Variants in TMC5 observed in about 807,000 individuals in gnomAD.
TMC5 encodes the protein transmembrane channel-like protein 5.
Under a neutral mutation model 110.5 loss-of-function variants are expected in TMC5, and 86 were observed. That is an observed-to-expected ratio of 0.78 (90% CI 0.65 to 0.93). TMC5 has a LOEUF of 0.93. Ranked by LOEUF, TMC5 falls within the 40% of genes least tolerant of loss-of-function variation. TMC5 has a pLI of 0.00. For missense variants in TMC5, 1,144 were observed against 1,222.8 expected, an observed-to-expected ratio of 0.94 and a Z score of 0.96; for synonymous variants, 455 against 439.5, an observed-to-expected ratio of 1.04 and a Z score of -0.44.
chr16:19,464,091 C>A, intron 8 of TMC5, 67 bp downstream of exon 8: 1 of 1,546,922 alleles, frequency 6.5e-7, no homozygotes, highest in South Asian at 1.2e-5. Flanking sequence ...CGTGCCTTGC[C>A]GGTCACCCAC....
intron 14 of TMC5, among the ~76,000 whole-genome samples, chr16:19,481,163 T>C (rs1336188510): frequency 1.3e-5 from 2 of 152,192 alleles, no homozygotes; most frequent in African/African-American, 4.8e-5. Flanking sequence ...CTAGACTGCA[T>C]TGTGTTAAAT....
rs1006312451 is a variant in TMC5 at position 19,481,475 on chromosome 16, G to A, written c.2363+10G>A. ...CACAAACTCTGGTGTGGTAAGTTTTGTGACTCAGCAAAATGCCCAGTGGTT... is the reference window on the plus strand; with the variant it reads ...CACAAACTCTGGTGTGGTAAGTTTTATGACTCAGCAAAATGCCCAGTGGTT... On this transcript the variant is annotated intron_variant, in intron 15 of 21. Coordinates refer to ENST00000542583, the MANE Select transcript of TMC5 (RefSeq NM_001261841.2). 4.4e-6 allele frequency: 7 copies of A among 1,601,166 alleles called. No individual in the cohort carries two copies. Among genetic ancestry groups the A allele is most frequent in the Non-Finnish European group, 6.0e-6 (7 of 1,168,326 alleles).
intron 19 of TMC5, among the ~76,000 whole-genome samples, chr16:19,493,250 C>T (rs1333724439): frequency 6.6e-6 from 1 of 151,442 alleles, no homozygotes; most frequent in South Asian, 2.1e-4. Context: ...TGTGAGCCAT[C>T]GCCCCCAGCT....
rs371815832 is a variant in TMC5, at chr16:19,428,289, C to T, written c.-307-2124C>T. ...AATTGGTGACATTTGCCAACTCTTTCTTCTCAAATTTCCCAATTCTTTTTT... is the reference window on the plus strand; with the variant it reads ...AATTGGTGACATTTGCCAACTCTTTTTTCTCAAATTTCCCAATTCTTTTTT... On this transcript the variant is annotated intron_variant, in intron 1 of 21. Transcript: ENST00000542583. Among the ~76,000 whole-genome samples, 46 of 150,152 alleles carry T rather than the reference C, an allele frequency of 3.1e-4. 1 individual carries two copies. The East Asian group carries it at 7.4e-3, about 24-fold the overall frequency.
intron 20 of TMC5, among the ~76,000 whole-genome samples, chr16:19,496,157 C>T (rs199521287): frequency 7.3e-6 from 1 of 136,228 alleles, no homozygotes; most frequent in Non-Finnish European, 1.5e-5. Context: ...GACTCCGTGT[C>T]AAAAAAAAAA....
Position 19,474,154 on chromosome 16 carries a change from G to A in TMC5, c.1968G>A (p.Ala656=), listed in dbSNP as rs750344065. 98 of 1,613,934 alleles carry A rather than the reference G, an allele frequency of 6.1e-5. No individual in the cohort carries two copies. In the Middle Eastern group the frequency reaches 6.7e-4, roughly 11 times the overall value. The part of the protein sequence containing the change: ...EFLKTHSNPG[A]VLLLPFVVSC... ...TGAAGACACACAGTAACCCTGGGGC[G>A]GTGCTGTTACTGCCTTTCGTTGTGT... is the stretch of plus-strand genomic sequence containing the variant. The change falls in exon 12 of 22, where the codon GCG becomes GCA. Residue 656 remains alanine, a synonymous_variant. Transcript: ENST00000542583.
chr16:19,427,171 C>T (rs1431884903), intron 1 of TMC5, among the ~76,000 whole-genome samples: 2 of 152,084 alleles, frequency 1.3e-5, no homozygotes, highest in Non-Finnish European at 2.9e-5. Flanking sequence ...GTTGGAGTTC[C>T]GGCTGGGCAC....
upstream of TMC5, among the ~76,000 whole-genome samples, chr16:19,415,578 GACTTATAGCT>G (rs1481145821): frequency 6.6e-6 from 1 of 152,162 alleles, no homozygotes; most frequent in Non-Finnish European, 1.5e-5. Context: ...GAGAAATCCT[GACTTATAGCT>G]ACAAAAGAAT....
intron 1 of TMC5, among the ~76,000 whole-genome samples, chr16:19,425,395 A>G (rs1414323300): frequency 7.1e-6 from 1 of 140,150 alleles, no homozygotes; most frequent in East Asian, 2.1e-4. Flanking sequence ...TAGTTTATTC[A>G]TATCTGGTTC....
intron 2 of TMC5, among the ~76,000 whole-genome samples, chr16:19,434,303 CTATATTATA>C (rs1175727359): frequency 1.1e-5 from 1 of 92,650 alleles, no homozygotes; most frequent in African/African-American, 3.6e-5. Context: ...ATTATATGAT[CTATATTATA>C]TATATAATAT....
At chr16:19,414,531 C>T (rs367772960), upstream of TMC5, among the ~76,000 whole-genome samples, 95 of 152,090 alleles carry the variant, frequency 6.2e-4, 3 homozygotes, top group South Asian at 0.019. Context: ...AAGATGTGAC[C>T]GTGCTATTCA....
intron 5 of TMC5, chr16:19,456,412 G>T (rs1967873479): frequency 9.6e-7 from 1 of 1,036,636 alleles, no homozygotes; most frequent in Non-Finnish European, 1.2e-6. Flanking sequence ...TGTCTTAAAT[G>T]AAAGATTCTG....
Position 19,440,260 on chromosome 16 carries a change from T to C in TMC5, c.222T>C (p.Tyr74=). ...CTGGGTCTCTGGCAGAACCAAATTA[T>C]CCTAGATCTCTGAGTAATCCAGACT... is the stretch of plus-strand genomic sequence containing the variant. ...DYPGSLAEPN[Y]PRSLSNPDYS... is the part of the protein sequence containing the mutation. The change falls in exon 3 of 22, where the codon TAT becomes TAC. Residue 74 remains tyrosine (Y), a synonymous_variant. Transcript: ENST00000542583. 1 of 1,614,134 alleles carries C rather than the reference T, an allele frequency of 6.2e-7. No individual in the cohort carries two copies. The highest frequency in any genetic ancestry group is 8.5e-7 in the Non-Finnish European group (1 of 1,180,016).
At chr16:19,442,588 C>T (rs1054820112) in intron 3 of TMC5, among the ~76,000 whole-genome samples, 1 of 152,110 alleles carries the variant, frequency 6.6e-6, no homozygotes, top group Non-Finnish European at 1.5e-5. Context: ...CTCGGCCTCT[C>T]AAAATGCTGG....
chr16:19,490,944 CTTCCT>C (rs1452710063), intron 18 of TMC5, among the ~76,000 whole-genome samples: 2 of 134,438 alleles, frequency 1.5e-5, no homozygotes, highest in African/African-American at 5.6e-5. Flanking sequence ...CCTCCCTTCC[CTTCCT>C]TTCCCCTTCC....
At position 19,440,259 on chromosome 16, in the gene TMC5, A is replaced by G; in HGVS notation, c.221A>G (p.Tyr74Cys). 6.2e-7 allele frequency: 1 copy of G among 1,614,124 alleles called. No homozygotes were observed. Among genetic ancestry groups the G allele is most frequent in the South Asian group, 1.1e-5 (1 of 91,078 alleles). ...CCTGGGTCTCTGGCAGAACCAAATTATCCTAGATCTCTGAGTAATCCAGAC... is the reference window on the plus strand; with the variant it reads ...CCTGGGTCTCTGGCAGAACCAAATTGTCCTAGATCTCTGAGTAATCCAGAC... ...DYPGSLAEPNYPRSLSNPDYS... is the reference protein window; with the variant it reads ...DYPGSLAEPNCPRSLSNPDYS... Residue 74 changes from tyrosine (Y) to cysteine (C), a missense_variant, in exon 3 of 22, where the codon TAT (tyrosine) becomes TGT (cysteine). By Grantham distance (194) the Tyr-to-Cys change is radical. Coordinates refer to ENST00000542583, the MANE Select transcript of TMC5 (RefSeq NM_001261841.2).
rs57619005 is a variant in TMC5 at position 19,492,942 on chromosome 16, A to ATATATATATATATATATAT, written c.2826+714_2826+715insTATATATATATATATATAT. 1.1e-4 allele frequency among the ~76,000 whole-genome samples: 12 copies of ATATATATATATATATATAT among 107,702 alleles called. 1 individual carries two copies. The highest frequency in any genetic ancestry group is 1.8e-4 in the Non-Finnish European group (9 of 49,124). 70.7% of individuals were successfully genotyped at this position (107,702 alleles called of 152,430 possible). On this transcript the variant is annotated intron_variant, in intron 19 of 21. Coordinates refer to ENST00000542583, the MANE Select transcript of TMC5 (RefSeq NM_001261841.2). ...TATATATATATATATATCTCTCTATAAGATAAATACTTTTATTTCATTTAT... is the reference window on the plus strand; with the variant it reads ...TATATATATATATATATCTCTCTATATATATATATATATATATATAGATAAATACTTTTATTTCATTTAT...
At chr16:19,420,384 T>C (rs915857155) in intron 1 of TMC5, among the ~76,000 whole-genome samples, 2 of 151,544 alleles carry the variant, frequency 1.3e-5, no homozygotes, top group African/African-American at 4.9e-5. Flanking sequence ...GCTGAGATCA[T>C]GCCACTGCAC....
chr16:19,491,068 C>T (rs111856177), intron 18 of TMC5, among the ~76,000 whole-genome samples: 359 of 151,026 alleles, frequency 2.4e-3, no homozygotes, highest in African/African-American at 8.3e-3. Flanking sequence ...TAGACTGTAG[C>T]GGCATGGTCA....
Sources: gnomAD v4.1 joint callset for allele counts (sites outside exome capture counted in the v4.1 genomes callset) on GRCh38, gnomAD v4.1.1 for gene constraint, MANE v1.5 for transcripts, NCBI Gene and HGNC (gene_info 2026-07-23, HGNC 2026-07-21) for gene names.